Variants in CALN1 observed in about 807,000 individuals in gnomAD.
The protein encoded by CALN1 is calneuron 1.
CALN1 carries 17 observed loss-of-function variants against 30.6 expected under a neutral mutation model. The observed-to-expected ratio is 0.56, with a 90% CI of 0.38 to 0.83. CALN1 has a LOEUF of 0.83. CALN1 is among the 40% of genes least tolerant of loss of function. CALN1 has a pLI of 0.00. For missense variants in CALN1, 291 were observed against 354.9 expected, an observed-to-expected ratio of 0.82 and a Z score of 1.45; for synonymous variants, 156 against 131.4, an observed-to-expected ratio of 1.19 and a Z score of -1.28.
chr7:71,836,974 G>GTA (rs1789649714), intron 5 of CALN1, among the ~76,000 whole-genome samples: 1 of 147,766 alleles, frequency 6.8e-6, no homozygotes, highest in Non-Finnish European at 1.5e-5. Flanking sequence ...GCTCCTGCCT[G>GTA]TAATCCCAGC....
intron 4 of CALN1, among the ~76,000 whole-genome samples, chr7:72,056,929 TTTG>T (rs759387324): frequency 3.3e-5 from 5 of 152,138 alleles, no homozygotes; most frequent in South Asian, 2.1e-4. Context: ...TTATTTCATT[TTTG>T]TTGTTGTTGT....
intron 2 of CALN1, among the ~76,000 whole-genome samples, chr7:72,307,098 GT>G (rs1307982825): frequency 8.5e-5 from 13 of 152,258 alleles, no homozygotes; most frequent in African/African-American, 3.1e-4. Context: ...TCTGTTTTTG[GT>G]TTTTGCTTTT....
intron 3 of CALN1, among the ~76,000 whole-genome samples, chr7:72,224,446 T>C (rs1202333760): frequency 1.3e-5 from 2 of 152,080 alleles, no homozygotes; most frequent in Non-Finnish European, 2.9e-5. Flanking sequence ...TGTTCAGAAT[T>C]AAAACCCGTG....
In CALN1 at chr7:71,785,069, C is replaced by T. The variant is rs1386607934; in HGVS notation, c.*2706G>A. ...CTAAGGAATGCCGCTAGCTCAGGGC[C>T]GTCTCCACGCACTGTGTCCTTCAGT... On this transcript the variant is annotated 3_prime_UTR_variant, in exon 7 of 7. Transcript: ENST00000395275. 3 of 391,858 alleles carry T rather than the reference C, an allele frequency of 7.7e-6. No homozygotes were observed. Among genetic ancestry groups the T allele is most frequent in the East Asian group, 7.2e-5 (2 of 27,646 alleles). The allele number at this position is 391,858 out of a possible 1,614,324, so 24.3% of individuals were successfully genotyped here. A position where few individuals can be genotyped will look rare whatever the true frequency, so the allele number is the denominator to read the frequency against.
chr7:71,919,798 C>G (rs1004994371), intron 5 of CALN1, among the ~76,000 whole-genome samples: 3 of 152,286 alleles, frequency 2.0e-5, no homozygotes, highest in African/African-American at 7.2e-5. Context: ...CTACAAGAAT[C>G]TGGTATAAAG....
Position 72,392,433 on chromosome 7 carries a change from T to C in CALN1, c.119+10818A>G, listed in dbSNP as rs73364956. ...AGGAAGAGGCTCCTGTACGGCCACA[T>C]GGTTCATGGATGGAGAGCTGAACGG... On this transcript the variant is annotated intron_variant, in intron 2 of 6. Transcript: ENST00000395275. Among the ~76,000 whole-genome samples, 87 of 152,288 alleles carry C rather than the reference T, an allele frequency of 5.7e-4. 1 individual carries two copies. Among genetic ancestry groups the C allele is most frequent in the African/African-American group, 2.1e-3 (86 of 41,560 alleles).
chr7:72,402,198 CTCA>C (rs1806389431), intron 2 of CALN1, among the ~76,000 whole-genome samples: 1 of 152,316 alleles, frequency 6.6e-6, no homozygotes, highest in Admixed American at 6.5e-5. Context: ...GGCCAGGGGT[CTCA>C]TCAGCTCCTG....
At chr7:72,302,846 C>T (rs192179121) in intron 2 of CALN1, among the ~76,000 whole-genome samples, 5 of 129,150 alleles carry the variant, frequency 3.9e-5, no homozygotes, top group Non-Finnish European at 6.2e-5. Flanking sequence ...TGCAGTGAGC[C>T]GAGATCGCGC....
intron 3 of CALN1, among the ~76,000 whole-genome samples, chr7:72,198,032 G>C (rs1341808639): frequency 6.6e-6 from 1 of 152,098 alleles, no homozygotes; most frequent in Non-Finnish European, 1.5e-5. Context: ...CTCTTTGGAG[G>C]GGAAGTGCCT....
At chr7:72,384,871 C>T (rs975792327) in intron 2 of CALN1, among the ~76,000 whole-genome samples, 1 of 151,818 alleles carries the variant, frequency 6.6e-6, no homozygotes, top group Non-Finnish European at 1.5e-5. Context: ...AGATGAACCA[C>T]AAATTGGGAG....
At chr7:71,954,907 G>A (rs1168741461) in intron 5 of CALN1, among the ~76,000 whole-genome samples, 5 of 152,110 alleles carry the variant, frequency 3.3e-5, no homozygotes, top group African/African-American at 1.2e-4. Context: ...AGTTTCATTT[G>A]ACTATTATTC....
intron 5 of CALN1, among the ~76,000 whole-genome samples, chr7:71,984,680 T>C (rs927795059): frequency 1.3e-5 from 2 of 152,216 alleles, no homozygotes; most frequent in East Asian, 1.9e-4. Context: ...TGGAGAGATA[T>C]GGGAGACCCA....
At chr7:72,318,311 T>G (rs943214066) in intron 2 of CALN1, among the ~76,000 whole-genome samples, 1 of 130,586 alleles carries the variant, frequency 7.7e-6, no homozygotes, top group African/African-American at 2.5e-5. Flanking sequence ...TTGACGCACT[T>G]TCATTCTTCT....
At chr7:71,981,164 T>C (rs1443392963) in intron 5 of CALN1, among the ~76,000 whole-genome samples, 1 of 152,208 alleles carries the variant, frequency 6.6e-6, no homozygotes, top group Non-Finnish European at 1.5e-5. Context: ...GCCCTCGTTA[T>C]AGTCTTTTGT....
chr7:72,243,656 T>C (rs1164444397), intron 3 of CALN1, among the ~76,000 whole-genome samples: 1 of 152,012 alleles, frequency 6.6e-6, no homozygotes, highest in Admixed American at 6.6e-5. Flanking sequence ...CTGTCTGGAG[T>C]GAGTGACCTT....
chr7:72,183,863 A>G (rs1369634345), intron 3 of CALN1, among the ~76,000 whole-genome samples: 20 of 152,172 alleles, frequency 1.3e-4, no homozygotes, highest in Admixed American at 1.2e-3. Context: ...TTTGAGGTAT[A>G]GGTTGCCTAG....
At chr7:72,293,022 G>A (rs1798601920) in intron 2 of CALN1, among the ~76,000 whole-genome samples, 1 of 152,012 alleles carries the variant, frequency 6.6e-6, no homozygotes, top group Admixed American at 6.6e-5. Context: ...TTGTTCAGTA[G>A]CGCCCACTCC....
the CALN1 span, among the ~76,000 whole-genome samples, chr7:72,501,206 T>A: frequency 6.6e-6 from 1 of 151,290 alleles, no homozygotes; most frequent in Non-Finnish European, 1.5e-5. Flanking sequence ...GTTTCAAGGA[T>A]GAGTGGCTTC....
intron 2 of CALN1, among the ~76,000 whole-genome samples, chr7:72,344,651 T>A (rs894447420): frequency 4.8e-5 from 7 of 145,328 alleles, no homozygotes; most frequent in African/African-American, 1.7e-4. Flanking sequence ...TATATTTTTT[T>A]ATTTATATAA....
Sources: gnomAD v4.1 joint callset for allele counts (sites outside exome capture counted in the v4.1 genomes callset) on GRCh38, gnomAD v4.1.1 for gene constraint, MANE v1.5 for transcripts, NCBI Gene and HGNC (gene_info 2026-07-23, HGNC 2026-07-21) for gene names.